Variants in CDKN2AIPNL observed in about 807,000 individuals in gnomAD.
CDKN2AIPNL encodes the protein CDKN2AIP N-terminal-like protein.
CDKN2AIPNL carries 9 observed loss-of-function variants against 12.9 expected under a neutral mutation model. The ratio of observed to expected loss-of-function variants is 0.70; its 90% CI spans 0.42 to 1.22. The LOEUF (loss-of-function observed/expected upper bound fraction) is 1.22. CDKN2AIPNL is among the 50% of genes most tolerant of loss of function. CDKN2AIPNL has a pLI of 0.00. For synonymous variants in CDKN2AIPNL, 53 were observed against 61.7 expected, an observed-to-expected ratio of 0.86 and a Z score of 0.66; for missense variants, 143 against 153.6, an observed-to-expected ratio of 0.93 and a Z score of 0.37.
At chr5:134,408,512 A>T (rs1759140526) in intron 2 of CDKN2AIPNL, among the ~76,000 whole-genome samples, 1 of 59,698 alleles carries the variant, frequency 1.7e-5, no homozygotes, top group Admixed American at 2.1e-4. Context: ...TACTAAAAAT[A>T]CAAAAAAAAA....
Position 134,411,799 on chromosome 5 carries a change from T to C in CDKN2AIPNL, c.56A>G (p.Gln19Arg). 6.2e-7 allele frequency: 1 copy of C among 1,601,774 alleles called. No homozygotes were observed. Reference protein sequence around the residue: ...AVEELVSGVRQAADFAEQFRS... With the variant: ...AVEELVSGVRRAADFAEQFRS... ...GAACTGCTCCGCGAAGTCGGCCGCC[T>C]GCCGCACCCCCGAAACCAGCTCCTC... The change falls in exon 1 of 3, where the codon CAG (glutamine) becomes CGG (arginine). Residue 19 changes from glutamine (Q) to arginine (R), a missense_variant. Gln to Arg is a conservative substitution (Grantham distance 43). Around this residue, in one of 3 missense-constraint regions of CDKN2AIPNL, gnomAD observed 30 missense variants for 25.2 expected, o/e 1.19. Coordinates refer to ENST00000458198, the MANE Select transcript of CDKN2AIPNL (RefSeq NM_080656.3).
chr5:134,404,626 T>C (rs573046621), intron 2 of CDKN2AIPNL, among the ~76,000 whole-genome samples: 13 of 150,806 alleles, frequency 8.6e-5, no homozygotes, highest in African/African-American at 2.9e-4. Flanking sequence ...TGGGCTAGGC[T>C]GATTTTTTTT....
At chr5:134,407,188 C>T (rs534794816) in intron 2 of CDKN2AIPNL, among the ~76,000 whole-genome samples, 1 of 151,702 alleles carries the variant, frequency 6.6e-6, no homozygotes, top group Admixed American at 6.6e-5. Flanking sequence ...ATGAACATCC[C>T]AGGGCAGGGG....
chr5:134,406,601 T>C (rs1343568658), intron 2 of CDKN2AIPNL, among the ~76,000 whole-genome samples: 1 of 152,164 alleles, frequency 6.6e-6, no homozygotes, highest in Non-Finnish European at 1.5e-5. Flanking sequence ...TGGGCTTATC[T>C]GGAAGAGTCT....
chr5:134,406,098 G>A (rs1759100541), intron 2 of CDKN2AIPNL, among the ~76,000 whole-genome samples: 1 of 152,156 alleles, frequency 6.6e-6, no homozygotes, highest in Non-Finnish European at 1.5e-5. Flanking sequence ...AATTCCACCT[G>A]TCAGAAACCA....
chr5:134,405,137 G>A (rs1165804611), intron 2 of CDKN2AIPNL, among the ~76,000 whole-genome samples: 3 of 141,282 alleles, frequency 2.1e-5, no homozygotes, highest in East Asian at 2.1e-4. Context: ...ACGGAGTCCC[G>A]CTGTTTAGCC....
intron 2 of CDKN2AIPNL, among the ~76,000 whole-genome samples, chr5:134,407,489 C>T (rs1050762986): frequency 6.6e-6 from 1 of 151,980 alleles, no homozygotes; most frequent in Non-Finnish European, 1.5e-5. Context: ...AATCAGAAAA[C>T]CTTGCTGGGC....
At position 134,411,794 on chromosome 5, in the gene CDKN2AIPNL, C is replaced by A; in HGVS notation, c.61G>T (p.Ala21Ser). ...EELVSGVRQA[A>S]DFAEQFRSYS... ...GAGCGGAACTGCTCCGCGAAGTCGG[C>A]CGCCTGCCGCACCCCCGAAACCAGC... The change falls in exon 1 of 3, where the codon GCC becomes TCC. Residue 21 changes from alanine to serine, a missense_variant. Physicochemically the swap from Ala to Ser is moderately conservative, Grantham distance 99. This residue lies in a region of CDKN2AIPNL where 2 missense variants were observed against 17.0 expected (regional missense o/e 0.12). Coordinates refer to ENST00000458198, the MANE Select transcript of CDKN2AIPNL (RefSeq NM_080656.3). 1 of 1,598,560 alleles carries A rather than the reference C, an allele frequency of 6.3e-7. No individual in the cohort carries two copies. The highest frequency in any genetic ancestry group is 8.5e-7 in the Non-Finnish European group (1 of 1,174,150).
At chr5:134,408,513 C>CAAAAAAAAAAAAAA (rs59056879) in intron 2 of CDKN2AIPNL, among the ~76,000 whole-genome samples, 14 of 112,660 alleles carry the variant, frequency 1.2e-4, no homozygotes, top group African/African-American at 3.4e-4. Flanking sequence ...ACTAAAAATA[C>CAAAAAAAAAAAAAA]AAAAAAAAAA....
At chr5:134,410,301 A>C (rs1422980898) in intron 1 of CDKN2AIPNL, among the ~76,000 whole-genome samples, 1 of 152,056 alleles carries the variant, frequency 6.6e-6, no homozygotes, top group Non-Finnish European at 1.5e-5. Context: ...ACGCCTGGCT[A>C]ATTTTTTATT....
intron 2 of CDKN2AIPNL, 45 bp from the exon 3 acceptor site, chr5:134,402,971 G>A: frequency 6.4e-7 from 1 of 1,561,078 alleles, no homozygotes. Flanking sequence ...ATGTAGTCCA[G>A]TGAATCAAAT....
rs1581332719 is a variant in CDKN2AIPNL, at chr5:134,402,629, A to G, written c.*286T>C. 4 of 302,962 alleles carry G rather than the reference A, an allele frequency of 1.3e-5. No homozygotes were observed. The East Asian group carries it at 2.2e-4, about 16-fold the overall frequency. 18.8% of individuals were successfully genotyped at this position (302,962 alleles called of 1,614,324 possible). ...GTGAGACCTTGTCGATAAGAAAAAA[A>G]AAAACCTGAAAACAGAAAAGAGGGC... On this transcript the variant is annotated 3_prime_UTR_variant, in exon 3 of 3. Transcript: ENST00000458198.
At position 134,410,005 on chromosome 5, in the gene CDKN2AIPNL, G is replaced by T. The variant is rs1759167566; in HGVS notation, c.240-3C>A. On this transcript the variant is annotated splice_region_variant and splice_polypyrimidine_tract_variant and intron_variant, in intron 1 of 2. Coordinates refer to ENST00000458198, the MANE Select transcript of CDKN2AIPNL (RefSeq NM_080656.3). ...TGTCTAAAAGGTCTTTATTGTAACT[G>T]CACAATAAAAAGTAGTAAGGTAAAA... 6.3e-7 allele frequency: 1 copy of T among 1,592,590 alleles called. No individual in the cohort carries two copies. Among genetic ancestry groups the T allele is most frequent in the Non-Finnish European group, 8.6e-7 (1 of 1,163,208 alleles).
intron 2 of CDKN2AIPNL, 75 bp downstream of exon 2, chr5:134,409,823 ATACTC>A (rs1326974577): frequency 3.1e-5 from 26 of 837,190 alleles, no homozygotes; most frequent in South Asian, 3.0e-4. Context: ...CAAAAACAAT[ATACTC>A]TAATATAGTG....
rs563657877 is a variant in CDKN2AIPNL, at chr5:134,411,510, C to T, written c.239+106G>A. The T allele has an allele frequency of 1.1e-5, 11 of 969,708 alleles. No homozygotes were observed. The South Asian group carries it at 1.5e-4, about 13-fold the overall frequency. The allele number at this position is 969,708 out of a possible 1,614,324, so 60.1% of individuals were successfully genotyped here. A position where few individuals can be genotyped will look rare whatever the true frequency, so the allele number is the denominator to read the frequency against. On this transcript the variant is annotated intron_variant, in intron 1 of 2. Transcript: ENST00000458198. ...CGACCAATGCGGATGGAGGTTGGGC[C>T]CGGGTTCAGTCTGGGGCAGAGGTTC...
rs1201420400 is a variant in CDKN2AIPNL at position 134,403,036 on chromosome 5, C to G, written c.340-110G>C. 1.1e-5 allele frequency: 9 copies of G among 805,050 alleles called. No homozygotes were observed. In the African/African-American group the frequency reaches 1.6e-4, roughly 14 times the overall value. The allele number at this position is 805,050 out of a possible 1,614,324, so 49.9% of individuals were successfully genotyped here. ...ATGTAATATTTATGTACTATCCAGA[C>G]AGTAAGTATACTCAGAAATTATTAA... On this transcript the variant is annotated intron_variant, in intron 2 of 2. Coordinates refer to ENST00000458198, the MANE Select transcript of CDKN2AIPNL (RefSeq NM_080656.3).
In CDKN2AIPNL at chr5:134,411,619, C is replaced by T; in HGVS notation, c.236G>A (p.Cys79Tyr). The change falls in exon 1 of 3, where the codon TGC becomes TAC. Residue 79 changes from cysteine (C) to tyrosine (Y), a missense_variant. Cys to Tyr is a radical substitution (Grantham distance 194). Coordinates refer to ENST00000458198, the MANE Select transcript of CDKN2AIPNL (RefSeq NM_080656.3). ...GCCGGCCGGCAGGGGTCCGCACCTGCAGCCTAGGAAGAGATGGTTGGCCCA... is the reference window on the plus strand; with the variant it reads ...GCCGGCCGGCAGGGGTCCGCACCTGTAGCCTAGGAAGAGATGGTTGGCCCA... ...MVWANHLFLG[C>Y]SYNKDLLDKV... is the part of the protein sequence containing the mutation. 6.2e-7 allele frequency: 1 copy of T among 1,611,416 alleles called. No homozygotes were observed. The highest frequency in any genetic ancestry group is 8.5e-7 in the Non-Finnish European group (1 of 1,179,160).
At chr5:134,408,044 T>C (rs1022050224) in intron 2 of CDKN2AIPNL, among the ~76,000 whole-genome samples, 1 of 151,796 alleles carries the variant, frequency 6.6e-6, no homozygotes, top group Admixed American at 6.6e-5. Context: ...GGCGCTAGAA[T>C]CACTTGAGCC....
chr5:134,410,556 C>G lies in CDKN2AIPNL; in HGVS notation c.240-554G>C, dbSNP rs530047723. The G allele has an allele frequency of 4.2e-5, 7 of 166,758 alleles. No individual in the cohort carries two copies. The East Asian group carries it at 1.1e-3, about 27-fold the overall frequency. 10.3% of individuals were successfully genotyped at this position (166,758 alleles called of 1,614,324 possible). A position where few individuals can be genotyped will look rare whatever the true frequency, so the allele number is the denominator to read the frequency against. On this transcript the variant is annotated intron_variant, in intron 1 of 2. Transcript: ENST00000458198. ...ATATTCTCAGATACAGGATGAGGAC[C>G]AAAATATTTTTATTTTTTAAATACA...
Sources: gnomAD v4.1 joint callset for allele counts (sites outside exome capture counted in the v4.1 genomes callset) on GRCh38, gnomAD v4.1.1 for gene constraint, gnomAD v4.1.1 regional missense constraint, MANE v1.5 for transcripts, NCBI Gene and HGNC (gene_info 2026-07-23, HGNC 2026-07-21) for gene names.